TANC2: variants seen among roughly 807,000 people sequenced by gnomAD.
TANC2 encodes the protein protein TANC2.
A neutral mutation model predicts 210.5 loss-of-function variants in TANC2; 26 were observed. That is an observed-to-expected ratio of 0.12 (90% CI 0.09 to 0.17). The LOEUF (loss-of-function observed/expected upper bound fraction) is 0.17. TANC2 is among the 10% of genes least tolerant of loss of function. The probability of loss-of-function intolerance (pLI) is 1.00; values close to 1 mark genes in which losing one functional copy is unlikely to be tolerated. For synonymous variants in TANC2, 931 were observed against 967.1 expected (o/e 0.96, Z 0.69); for missense variants, 2,129 against 2,608.9 (o/e 0.82, Z 4.01).
At chr17:62,977,183 G>A (rs904853144) in intron 1 of TANC2, among the ~76,000 whole-genome samples, 1 of 152,148 alleles carries the variant, frequency 6.6e-6, no homozygotes, top group Non-Finnish European at 1.5e-5. Flanking sequence ...AAACATTTTT[G>A]ACATATAACA....
At chr17:63,231,973 T>A (rs1598659094) in intron 7 of TANC2, among the ~76,000 whole-genome samples, 1 of 152,216 alleles carries the variant, frequency 6.6e-6, no homozygotes, top group East Asian at 1.9e-4. Context: ...TTCTTTTCTC[T>A]AATCTTTTCT....
chr17:63,310,757 A>C (rs540020387), intron 9 of TANC2, among the ~76,000 whole-genome samples: 1 of 152,328 alleles, frequency 6.6e-6, no homozygotes, highest in African/African-American at 2.4e-5. Context: ...GCCATTCTTA[A>C]CTAGATTAAC....
intron 8 of TANC2, among the ~76,000 whole-genome samples, chr17:63,255,543 A>G (rs924859838): frequency 1.3e-5 from 2 of 152,054 alleles, no homozygotes; most frequent in African/African-American, 4.8e-5. Context: ...AGTCTTGGTA[A>G]GTTGTGTATG....
intron 1 of TANC2, among the ~76,000 whole-genome samples, chr17:62,975,765 G>A (rs2031968096): frequency 6.6e-6 from 1 of 151,848 alleles, no homozygotes; most frequent in South Asian, 2.1e-4. Flanking sequence ...TGTATGAGGG[G>A]CCAAAAATCT....
intron 3 of TANC2, among the ~76,000 whole-genome samples, chr17:63,076,601 C>G (rs2036579900): frequency 6.6e-6 from 1 of 152,080 alleles, no homozygotes; most frequent in African/African-American, 2.4e-5. Context: ...TGAAGAAACT[C>G]TCTAAATGTA....
chr17:63,373,302 C>A (rs1031267075), intron 14 of TANC2, among the ~76,000 whole-genome samples: 1 of 152,146 alleles, frequency 6.6e-6, no homozygotes, highest in African/African-American at 2.4e-5. Context: ...CCTACTCTTT[C>A]TCAAAATGCC....
At chr17:63,112,410 C>T (rs1333582354) in intron 4 of TANC2, among the ~76,000 whole-genome samples, 2 of 152,080 alleles carry the variant, frequency 1.3e-5, no homozygotes. Flanking sequence ...AAGTAGTCAG[C>T]ACCAAGAAAA....
chr17:63,276,176 G>A (rs1034045295), intron 9 of TANC2, among the ~76,000 whole-genome samples: 1 of 152,036 alleles, frequency 6.6e-6, no homozygotes, highest in African/African-American at 2.4e-5. Flanking sequence ...AGAACTAGAT[G>A]ATTTCATTTT....
rs757690940 is a variant in TANC2, at chr17:63,048,243, C to T, written c.68-25700C>T. 1.2e-3 allele frequency among the ~76,000 whole-genome samples: 177 copies of T among 152,228 alleles called. 1 individual carries two copies. The highest frequency in any genetic ancestry group is 3.9e-3 in the South Asian group (19 of 4,816). ...GCCAAGGTACCATATTTTGAGGTAT[C>T]ATGTCCTGAACTCCATCAAGTAAAA... On this transcript the variant is annotated intron_variant, in intron 2 of 27. Transcript: ENST00000689528.
chr17:63,226,385 T>G (rs2042329319), intron 7 of TANC2, among the ~76,000 whole-genome samples: 1 of 152,200 alleles, frequency 6.6e-6, no homozygotes, highest in Non-Finnish European at 1.5e-5. Context: ...TTAATATGGC[T>G]TACGAGTTCT....
intron 9 of TANC2, among the ~76,000 whole-genome samples, chr17:63,283,472 CA>C (rs200972497): frequency 2.4e-4 from 35 of 142,966 alleles, no homozygotes; most frequent in East Asian, 8.2e-4. Context: ...TAAATTTCTA[CA>C]AAAAAAAAAA....
At chr17:62,988,611 T>G (rs1024970518) in intron 1 of TANC2, among the ~76,000 whole-genome samples, 4 of 152,192 alleles carry the variant, frequency 2.6e-5, no homozygotes, top group African/African-American at 9.7e-5. Context: ...AGTGAGATCA[T>G]GTATTAAGGC....
Position 63,069,713 on chromosome 17 carries a change from T to A in TANC2, c.68-4230T>A, listed in dbSNP as rs531358628. Among the ~76,000 whole-genome samples the A allele has an allele frequency of 8.5e-4, 129 of 152,338 alleles. 1 individual carries two copies. The highest frequency in any genetic ancestry group is 3.1e-3 in the African/African-American group (127 of 41,586). On this transcript the variant is annotated intron_variant, in intron 2 of 27. Coordinates refer to ENST00000689528, the Ensembl canonical transcript of TANC2. ...TTAAACATTCTAAAAAGTTTCTTATTTTTGTATTTCATTCACAGGCATATT... is the reference window on the plus strand; with the variant it reads ...TTAAACATTCTAAAAAGTTTCTTATATTTGTATTTCATTCACAGGCATATT...
At chr17:63,054,590 CCAGGATGGTCT>C (rs1807432554) in intron 2 of TANC2, among the ~76,000 whole-genome samples, 1 of 150,772 alleles carries the variant, frequency 6.6e-6, no homozygotes, top group African/African-American at 2.4e-5. Context: ...ACCATGTTGG[CCAGGATGGTCT>C]CAATCTCCTG....
At chr17:63,166,652 C>T (rs1261506661) in intron 5 of TANC2, among the ~76,000 whole-genome samples, 3 of 152,158 alleles carry the variant, frequency 2.0e-5, no homozygotes, top group Admixed American at 2.0e-4. Flanking sequence ...AATATTAGAA[C>T]TTGTCCCATT....
intron 3 of TANC2, among the ~76,000 whole-genome samples, chr17:63,092,982 A>G (rs2037259297): frequency 6.6e-6 from 1 of 152,162 alleles, no homozygotes; most frequent in Non-Finnish European, 1.5e-5. Flanking sequence ...CAGCCTAACT[A>G]CTAGTCCTTT....
chr17:63,328,377 T>G (rs1258592382), intron 11 of TANC2, among the ~76,000 whole-genome samples: 1 of 46,954 alleles, frequency 2.1e-5, no homozygotes, highest in Non-Finnish European at 3.7e-5. Flanking sequence ...TATGTGTATA[T>G]GTGTGTGTGT....
intron 4 of TANC2, among the ~76,000 whole-genome samples, chr17:63,114,898 C>G (rs2038194323): frequency 6.6e-6 from 1 of 152,136 alleles, no homozygotes; most frequent in South Asian, 2.1e-4. Context: ...AAAACAAAAC[C>G]TGTGTACTTT....
intron 14 of TANC2, among the ~76,000 whole-genome samples, chr17:63,356,468 C>A (rs2079249529): frequency 6.6e-6 from 1 of 152,102 alleles, no homozygotes; most frequent in Admixed American, 6.5e-5. Context: ...TGTGTTCATG[C>A]TGGGGTTTTA....
Sources: allele counts gnomAD v4.1 joint callset (sites outside exome capture counted in the v4.1 genomes callset), GRCh38; gene constraint gnomAD v4.1.1; transcripts MANE v1.5; gene names NCBI Gene and HGNC (gene_info 2026-07-23, HGNC 2026-07-21).